The following SIGLEC1 variants were observed in gnomAD, a reference collection of about 807,000 sequenced individuals.
SIGLEC1 encodes the protein sialic acid binding Ig like lectin 1, also known as sialoadhesin.
A neutral mutation model predicts 148.0 loss-of-function variants in SIGLEC1; 132 were observed. The observed-to-expected ratio is 0.89, with a 90% CI of 0.77 to 1.03. The LOEUF is 1.03. Among genes scored for constraint, SIGLEC1 ranks in the 50% least tolerant of loss-of-function variants. The pLI, the probability that SIGLEC1 is intolerant of heterozygous loss-of-function variation, is 0.00. For synonymous variants in SIGLEC1, 945 were observed against 969.0 expected (o/e 0.98, Z 0.46); for missense variants, 2,253 against 2,271.4 (o/e 0.99, Z 0.16).
intron 7 of SIGLEC1, among the ~76,000 whole-genome samples, chr20:3,700,842 A>T (rs770584493): frequency 6.6e-6 from 1 of 151,866 alleles, no homozygotes; most frequent in Non-Finnish European, 1.5e-5. Context: ...CTGGGACTAC[A>T]GGAACTCACC....
Position 3,705,749 on chromosome 20 carries a change from A to G in SIGLEC1, c.701T>C (p.Val234Ala). The change falls in exon 4 of 22, where the codon GTG becomes GCG. Residue 234 changes from valine to alanine, a missense_variant. Coordinates refer to ENST00000344754, the MANE Select transcript of SIGLEC1 (RefSeq NM_023068.4). ...HRAQSEIHLQ[V>A]KYAPKGVKIL... ...TGTGTCCCCAGACAACTCACACTTC[A>G]CTTGGAGGTGAATCTCGCTCTGAGC... 1 of 1,604,880 alleles carries G rather than the reference A, an allele frequency of 6.2e-7. No homozygotes were observed.
rs1199962317 is a variant in SIGLEC1 at position 3,707,082 on chromosome 20, G to T, written c.47C>A (p.Ala16Glu). The change falls in exon 2 of 22, where the codon GCA (alanine) becomes GAA (glutamate). Residue 16 changes from alanine to glutamate, a missense_variant and splice_region_variant. Coordinates refer to ENST00000344754, the MANE Select transcript of SIGLEC1 (RefSeq NM_023068.4). ...GGCACTAGGCCCGCAAAGCTTACCT[G>T]CTGGGAAGAATGAGGCCAGGAGGAG... ...KLLLLASFFP[A>E]GQASWGVSSP... is the part of the protein sequence containing the mutation. 1 of 1,614,014 alleles carries T rather than the reference G, an allele frequency of 6.2e-7. No individual in the cohort carries two copies. Among genetic ancestry groups the T allele is most frequent in the South Asian group, 1.1e-5 (1 of 91,082 alleles).
At chr20:3,706,997 AC>A in intron 2 of SIGLEC1, 82 bp downstream of exon 2, 2 of 1,423,878 alleles carry the variant, frequency 1.4e-6, no homozygotes, top group South Asian at 2.3e-5. Flanking sequence ...CAAACATGTG[AC>A]CCAGGCATAG....
rs1444069779 is a variant in SIGLEC1 at position 3,687,870 on chromosome 20, GAAGT to G, written c.*686_*689del. Reference sequence around the variant, plus strand: ...CATGTGACAATACTCCAGCCAATGGGAAGTGAGTGGAAAAGTCCTGTGCAGCTTC... The same window carrying G: ...CATGTGACAATACTCCAGCCAATGGGGAGTGGAAAAGTCCTGTGCAGCTTC... On this transcript the variant is annotated 3_prime_UTR_variant, in exon 22 of 22. Coordinates refer to ENST00000344754, the MANE Select transcript of SIGLEC1 (RefSeq NM_023068.4). 1 of 153,408 alleles carries G rather than the reference GAAGT, an allele frequency of 6.5e-6. No homozygotes were observed. The highest frequency in any genetic ancestry group is 1.5e-5 in the Non-Finnish European group (1 of 68,824). 9.5% of individuals were successfully genotyped at this position (153,408 alleles called of 1,614,324 possible).
chr20:3,694,451 C>G lies in SIGLEC1; in HGVS notation c.3026G>C (p.Ser1009Thr), dbSNP rs763603333. Residue 1009 changes from serine to threonine, a missense_variant, in exon 13 of 22, where the codon AGT becomes ACT. Transcript: ENST00000344754. ...CAGCCGCAGCTGGGCCGGAGGGTCACTGTCCACACGGCACAGGAGGAGGCC... is the reference window on the plus strand; with the variant it reads ...CAGCCGCAGCTGGGCCGGAGGGTCAGTGTCCACACGGCACAGGAGGAGGCC... ...RLGLLLCRVD[S>T]DPPAQLRLLH... 6.2e-7 allele frequency: 1 copy of G among 1,609,284 alleles called. No individual in the cohort carries two copies. The highest frequency in any genetic ancestry group is 8.5e-7 in the Non-Finnish European group (1 of 1,177,272).
chr20:3,698,086 C>T lies in SIGLEC1; in HGVS notation c.1834G>A (p.Ala612Thr), dbSNP rs750338322. Reference protein sequence around the residue: ...TFTTRLDLDAAGAGAGRRGLL... With the variant: ...TFTTRLDLDATGAGAGRRGLL... ...CCTCGCCGTCCAGCCCCGGCCCCAGCGGCATCAAGGTCCAGCCTGGTGGTG... is the reference window on the plus strand; with the variant it reads ...CCTCGCCGTCCAGCCCCGGCCCCAGTGGCATCAAGGTCCAGCCTGGTGGTG... Residue 612 changes from alanine to threonine, a missense_variant, in exon 9 of 22, where the codon GCT becomes ACT. Ala to Thr is a moderately conservative substitution (Grantham distance 58). Coordinates refer to ENST00000344754, the MANE Select transcript of SIGLEC1 (RefSeq NM_023068.4). 13 of 1,607,542 alleles carry T rather than the reference C, an allele frequency of 8.1e-6. No homozygotes were observed. The highest frequency in any genetic ancestry group is 4.0e-5 in the African/African-American group (3 of 74,638).
At chr20:3,698,780 C>T (rs16988881) in intron 8 of SIGLEC1, among the ~76,000 whole-genome samples, 7,588 of 152,328 alleles carry the variant, frequency 0.05, 331 homozygotes, top group East Asian at 0.19. Flanking sequence ...TGGTCTTACA[C>T]GGAGCCTCCC....
intron 8 of SIGLEC1, 91 bp downstream of exon 8, chr20:3,699,111 G>A: frequency 6.9e-7 from 1 of 1,445,028 alleles, no homozygotes; most frequent in Non-Finnish European, 9.4e-7. Context: ...TATAGACCGT[G>A]GGGCAGGGCA....
rs1166368833 is a variant in SIGLEC1, at chr20:3,699,190, G to A, written c.1786+12C>T. ...TCCCGGCAGGAGGCTGCAACAGGTGGTGGCTGCTCACAGAGCACAGTGAGA... is the reference window on the plus strand; with the variant it reads ...TCCCGGCAGGAGGCTGCAACAGGTGATGGCTGCTCACAGAGCACAGTGAGA... On this transcript the variant is annotated intron_variant, in intron 8 of 21. Coordinates refer to ENST00000344754, the MANE Select transcript of SIGLEC1 (RefSeq NM_023068.4). The A allele has an allele frequency of 6.2e-7, 1 of 1,606,788 alleles. No homozygotes were observed. Among genetic ancestry groups the A allele is most frequent in the Non-Finnish European group, 8.5e-7 (1 of 1,178,078 alleles).
At position 3,687,693 on chromosome 20, in the gene SIGLEC1, C is replaced by A. The variant is rs2088712567; in HGVS notation, c.*867G>T. The A allele has an allele frequency of 6.6e-6, 1 of 152,254 alleles. No homozygotes were observed. Among genetic ancestry groups the A allele is most frequent in the African/African-American group, 2.4e-5 (1 of 41,460 alleles). 9.4% of individuals were successfully genotyped at this position (152,254 alleles called of 1,614,324 possible). On this transcript the variant is annotated 3_prime_UTR_variant, in exon 22 of 22. Transcript: ENST00000344754. ...GGCCCTCAGTAGATGGGCACTGAGA[C>A]AAAACATGGCCTGCTGGTGGCATTC...
At chr20:3,699,169 G>A (rs45587432) in intron 8 of SIGLEC1, 33 bp downstream of exon 8, 39,844 of 1,599,298 alleles carry the variant, frequency 0.025, 595 homozygotes, top group Middle Eastern at 0.045. Context: ...GGTGGGTCCC[G>A]GCAGGAGGCT....
intron 18 of SIGLEC1, 54 bp downstream of exon 18, chr20:3,691,286 G>A (rs2088758101): frequency 1.3e-6 from 2 of 1,597,956 alleles, no homozygotes; most frequent in Admixed American, 1.7e-5. Flanking sequence ...GAAGAACTGA[G>A]GTGGGCGTGT....
intron 8 of SIGLEC1, among the ~76,000 whole-genome samples, chr20:3,698,345 C>T (rs41304810): frequency 0.054 from 8,194 of 152,332 alleles, 312 homozygotes; most frequent in East Asian, 0.11. Flanking sequence ...GCCCTGATGC[C>T]TACTGAGTCT....
intron 10 of SIGLEC1, 58 bp from the exon 11 acceptor site, chr20:3,696,946 AC>A: frequency 1.3e-6 from 2 of 1,533,732 alleles, no homozygotes; most frequent in Non-Finnish European, 1.7e-6. Context: ...TACAACTGCC[AC>A]ACTATGTCCC....
Position 3,689,236 on chromosome 20 carries a change from C to A in SIGLEC1, c.4998-9G>T, listed in dbSNP as rs184178136. The A allele has an allele frequency of 4.3e-6, 7 of 1,613,524 alleles. No individual in the cohort carries two copies. The East Asian group carries it at 1.3e-4, about 31-fold the overall frequency. The stretch of plus-strand genomic sequence containing the variant: ...TACAAACACGCCTCCTTCTGCAAGG[C>A]CCGGAGTGGACTCAGAGAGCCTCTC... On this transcript the variant is annotated splice_polypyrimidine_tract_variant and intron_variant, in intron 20 of 21. Coordinates refer to ENST00000344754, the MANE Select transcript of SIGLEC1 (RefSeq NM_023068.4).
chr20:3,703,791 C>A, intron 5 of SIGLEC1, 34 bp downstream of exon 5: 1 of 1,611,980 alleles, frequency 6.2e-7, no homozygotes, highest in Non-Finnish European at 8.5e-7. Context: ...CCTCCCTATT[C>A]TCTGGCCAAT....
chr20:3,702,295 T>C (rs1248773585), intron 6 of SIGLEC1, among the ~76,000 whole-genome samples: 1 of 152,138 alleles, frequency 6.6e-6, no homozygotes, highest in African/African-American at 2.4e-5. Flanking sequence ...TAGATAACAG[T>C]CTTCTATCAG....
intron 4 of SIGLEC1, among the ~76,000 whole-genome samples, chr20:3,705,445 G>A: frequency 6.6e-6 from 1 of 152,204 alleles, no homozygotes; most frequent in East Asian, 1.9e-4. Context: ...CGGGGCACTT[G>A]CTGCCAACCC....
Position 3,690,075 on chromosome 20 carries a change from T to C in SIGLEC1, c.4781A>G (p.Asn1594Ser). ...EPHIHVLASP[N>S]ALRVDIEALR... ...CGCCTCGATGTCCACCCTCAGGGCA[T>C]TGGGGGAAGCCAGGACATGGATGTG... Residue 1594 changes from asparagine (N) to serine (S), a missense_variant, in exon 19 of 22, where the codon AAT becomes AGT. By Grantham distance (46) the Asn-to-Ser change is conservative (BLOSUM62 1). Transcript: ENST00000344754. 2.5e-6 allele frequency: 4 copies of C among 1,612,078 alleles called. No individual in the cohort carries two copies. Among genetic ancestry groups the C allele is most frequent in the Non-Finnish European group, 3.4e-6 (4 of 1,179,488 alleles).
Sources: allele counts gnomAD v4.1 joint callset (sites outside exome capture counted in the v4.1 genomes callset), GRCh38; gene constraint gnomAD v4.1.1; transcripts MANE v1.5; gene names NCBI Gene and HGNC (gene_info 2026-07-23, HGNC 2026-07-21).